CTNNAL1: variants seen among roughly 807,000 people sequenced by gnomAD.
CTNNAL1 encodes catenin alpha like 1.
CTNNAL1 carries 69 observed loss-of-function variants against 93.6 expected under a neutral mutation model. The ratio of observed to expected loss-of-function variants is 0.74; its 90% CI spans 0.61 to 0.90. The LOEUF (loss-of-function observed/expected upper bound fraction) is 0.90, where lower values mean the gene tolerates loss of function less well. Ranked by LOEUF, CTNNAL1 falls within the 40% of genes least tolerant of loss-of-function variation. The pLI, the probability that CTNNAL1 is intolerant of heterozygous loss-of-function variation, is 0.00. For missense variants in CTNNAL1, 836 were observed against 862.0 expected (o/e 0.97, Z 0.38); for synonymous variants, 286 against 305.4 (o/e 0.94, Z 0.66).
At chr9:108,988,829 T>C (rs1831694895) in intron 4 of CTNNAL1, among the ~76,000 whole-genome samples, 1 of 152,220 alleles carries the variant, frequency 6.6e-6, no homozygotes. Context: ...GTGTAGTATT[T>C]GGTTAACAGT....
chr9:108,997,657 T>A (rs1343034762), intron 2 of CTNNAL1, among the ~76,000 whole-genome samples: 1 of 151,966 alleles, frequency 6.6e-6, no homozygotes. Flanking sequence ...TCCCTCAGAG[T>A]TCCTCATCTC....
At chr9:109,009,507 T>C (rs1020011151) in intron 1 of CTNNAL1, among the ~76,000 whole-genome samples, 2 of 152,196 alleles carry the variant, frequency 1.3e-5, no homozygotes, top group African/African-American at 2.4e-5. Flanking sequence ...CGAGTTTCCA[T>C]ATATGTGTGG....
chr9:108,951,747 G>C (rs564824938), intron 14 of CTNNAL1, among the ~76,000 whole-genome samples: 11 of 152,136 alleles, frequency 7.2e-5, no homozygotes, highest in Non-Finnish European at 1.3e-4. Flanking sequence ...ATTAAAGTTA[G>C]GGGAATTCTC....
chr9:108,993,864 C>G (rs1472717040), intron 2 of CTNNAL1, among the ~76,000 whole-genome samples: 6 of 152,136 alleles, frequency 3.9e-5, no homozygotes. Flanking sequence ...AGCTCATAGG[C>G]TAAGGATCTT....
intron 1 of CTNNAL1, among the ~76,000 whole-genome samples, chr9:109,000,972 C>T (rs1388620782): frequency 1.3e-5 from 2 of 149,800 alleles, no homozygotes; most frequent in Non-Finnish European, 3.0e-5. Flanking sequence ...ACCAGCCTGG[C>T]CAACATAGTG....
In CTNNAL1 at chr9:108,942,985, T is replaced by G; in HGVS notation, c.2115A>C (p.Ser705=). ...CCTTCTTCAGCAGTTTATAACAAAG[T>G]GAAAGAAGTTGGACTAAGAGAGCCA... is the stretch of plus-strand genomic sequence containing the variant. ...SMMALLVQLL[S]LCYKLLKKLQ... The change falls in exon 18 of 19, where the codon TCA becomes TCC. Residue 705 remains serine, a synonymous_variant. Transcript: ENST00000325551. 1.2e-6 allele frequency: 2 copies of G among 1,612,940 alleles called. No homozygotes were observed. The highest frequency in any genetic ancestry group is 3.3e-4 in the Middle Eastern group (2 of 6,008).
rs375240904 is a variant in CTNNAL1 at position 108,952,196 on chromosome 9, C to T, written c.1835+13G>A. On this transcript the variant is annotated intron_variant, in intron 14 of 18. Transcript: ENST00000325551. ...TATACTGATTTAAAAAATAAAAATA[C>T]AACTACATTTACCTAGTAAATAAAT... is the stretch of plus-strand genomic sequence containing the variant. The T allele has an allele frequency of 1.3e-4, 214 of 1,590,618 alleles. 2 individuals are homozygous for T. The South Asian group carries it at 2.4e-3, about 18-fold the overall frequency.
chr9:108,987,386 A>G (rs1587975611), intron 4 of CTNNAL1, among the ~76,000 whole-genome samples: 3 of 152,226 alleles, frequency 2.0e-5, no homozygotes, highest in African/African-American at 7.2e-5. Context: ...CCATTGATCT[A>G]TATCTCTGTT....
At chr9:108,953,078 A>T (rs1229629546) in intron 12 of CTNNAL1, among the ~76,000 whole-genome samples, 2 of 152,212 alleles carry the variant, frequency 1.3e-5, no homozygotes, top group East Asian at 1.9e-4. Flanking sequence ...AGGATTCTGA[A>T]TTTAATATGT....
At chr9:109,000,585 T>C (rs1367531735) in intron 1 of CTNNAL1, among the ~76,000 whole-genome samples, 1 of 152,064 alleles carries the variant, frequency 6.6e-6, no homozygotes, top group Non-Finnish European at 1.5e-5. Flanking sequence ...TACCTGAAAT[T>C]GACTGGTCTT....
intron 1 of CTNNAL1, among the ~76,000 whole-genome samples, chr9:109,007,516 G>A (rs140283560): frequency 1.2e-3 from 189 of 152,282 alleles, no homozygotes; most frequent in African/African-American, 4.3e-3. Flanking sequence ...TTCTGTGGCA[G>A]ATATCCTTCT....
At chr9:108,947,367 C>G (rs1830438145) in intron 15 of CTNNAL1, among the ~76,000 whole-genome samples, 1 of 152,118 alleles carries the variant, frequency 6.6e-6, no homozygotes, top group Admixed American at 6.5e-5. Context: ...CCCACCTTGG[C>G]CTCCCAAAGT....
intron 12 of CTNNAL1, among the ~76,000 whole-genome samples, chr9:108,954,991 C>G (rs951137325): frequency 2.0e-5 from 3 of 147,906 alleles, no homozygotes; most frequent in African/African-American, 7.5e-5. Flanking sequence ...TTGAGACAGT[C>G]TTACTCTGTT....
intron 4 of CTNNAL1, 112 bp from the exon 5 acceptor site, chr9:108,984,548 GAAAA>G (rs202117651): frequency 1.1e-4 from 32 of 294,896 alleles, no homozygotes; most frequent in Non-Finnish European, 1.6e-4. Context: ...ATTGTTAAGT[GAAAA>G]AAAAAAAAAA....
At chr9:108,972,863 G>GGGGC in intron 8 of CTNNAL1, 30 bp from the exon 9 acceptor site, 1 of 231,688 alleles carries the variant, frequency 4.3e-6, no homozygotes, top group Non-Finnish European at 7.1e-6. Context: ...TGGGGGGGTG[G>GGGGC]GAGGGTGGAG....
intron 11 of CTNNAL1, among the ~76,000 whole-genome samples, chr9:108,961,443 G>A (rs838829): frequency 1 from 152,303 of 152,304 alleles, 76,151 homozygotes; most frequent in Non-Finnish European, 1. Flanking sequence ...CTCCATCTCA[G>A]TGAAACCTAC....
At chr9:109,002,932 G>A (rs1489849674) in intron 1 of CTNNAL1, among the ~76,000 whole-genome samples, 1 of 152,064 alleles carries the variant, frequency 6.6e-6, no homozygotes, top group East Asian at 1.9e-4. Context: ...GGTAGAGATT[G>A]CAGTAAGCCA....
rs1327619882 is a variant in CTNNAL1 at position 108,999,175 on chromosome 9, C to T, written c.223G>A (p.Val75Ile). 2.5e-6 allele frequency: 4 copies of T among 1,613,816 alleles called. No homozygotes were observed. The highest frequency in any genetic ancestry group is 1.3e-5 in the African/African-American group (1 of 75,028). Reference sequence around the variant, plus strand: ...ACAAATCTTCCAACTGCCAAGTTGACAGCTTGTCCTACACGCTGAATTGCT... The same window carrying T: ...ACAAATCTTCCAACTGCCAAGTTGATAGCTTGTCCTACACGCTGAATTGCT... ...LQAIQRVGQAVNLAVGRFVKV... is the reference protein window; with the variant it reads ...LQAIQRVGQAINLAVGRFVKV... The change falls in exon 2 of 19, where the codon GTC becomes ATC. Residue 75 changes from valine (V) to isoleucine (I), a missense_variant. Coordinates refer to ENST00000325551, the MANE Select transcript of CTNNAL1 (RefSeq NM_003798.4).
chr9:109,000,577 C>T (rs1300866315), intron 1 of CTNNAL1, among the ~76,000 whole-genome samples: 3 of 152,016 alleles, frequency 2.0e-5, no homozygotes, highest in Non-Finnish European at 4.4e-5. Context: ...TGTGTAGCTA[C>T]CTGAAATTGA....
Sources: gnomAD v4.1 joint callset for allele counts (sites outside exome capture counted in the v4.1 genomes callset) on GRCh38, gnomAD v4.1.1 for gene constraint, MANE v1.5 for transcripts, NCBI Gene and HGNC (gene_info 2026-07-23, HGNC 2026-07-21) for gene names.